Variants in TECPR1 observed in about 807,000 individuals in gnomAD.
TECPR1 encodes the protein tectonin beta-propeller repeat containing 1, also known as tectonin beta-propeller repeat-containing protein 1.
In TECPR1, 122 loss-of-function variants were observed where a neutral mutation model predicts 162.4. That is an observed-to-expected ratio of 0.75 (90% confidence interval 0.65 to 0.87). TECPR1 has a LOEUF of 0.87. Among genes scored for constraint, TECPR1 ranks in the 40% least tolerant of loss-of-function variants. TECPR1 has a pLI of 0.00. For synonymous variants in TECPR1, 642 were observed against 670.6 expected, an observed-to-expected ratio of 0.96 and a Z score of 0.66; for missense variants, 1,432 against 1,618.2, an observed-to-expected ratio of 0.88 and a Z score of 1.97.
chr7:98,242,840 C>T, intron 6 of TECPR1, among the ~76,000 whole-genome samples: 1 of 150,330 alleles, frequency 6.7e-6, no homozygotes. Context: ...TCCATCTGCA[C>T]ATACCTTCCA....
rs1295487069 is a variant in TECPR1 at position 98,226,826 on chromosome 7, G to A, written c.2513+1188C>T. ...TGCATGCCTGTAATCCCAACTACTCGGGAGGCTCAGGTAGGAGAATCGCTT... is the reference window on the plus strand; with the variant it reads ...TGCATGCCTGTAATCCCAACTACTCAGGAGGCTCAGGTAGGAGAATCGCTT... On this transcript the variant is annotated intron_variant, in intron 17 of 25. Transcript: ENST00000447648. The A allele has an allele frequency of 1.5e-5, 5 of 334,006 alleles. No homozygotes were observed. The Admixed American group carries it at 1.7e-4, about 11-fold the overall frequency. 20.7% of individuals were successfully genotyped at this position (334,006 alleles called of 1,614,324 possible).
intron 8 of TECPR1, among the ~76,000 whole-genome samples, chr7:98,238,944 A>G (rs1285193577): frequency 2.0e-5 from 3 of 152,248 alleles, no homozygotes; most frequent in African/African-American, 7.2e-5. Flanking sequence ...TGTGAAAGAC[A>G]ACGGCCTTAA....
intron 2 of TECPR1, among the ~76,000 whole-genome samples, chr7:98,246,645 G>A (rs1468789163): frequency 2.7e-5 from 4 of 150,392 alleles, no homozygotes; most frequent in Non-Finnish European, 4.4e-5. Context: ...GCAATGGCAC[G>A]ATCTTGGGAT....
Position 98,245,022 on chromosome 7 carries a change from C to T in TECPR1, c.271G>A (p.Asp91Asn). Residue 91 changes from aspartate to asparagine, a missense_variant, in exon 4 of 26, where the codon GAC becomes AAC. By Grantham distance (23) the Asp-to-Asn change is conservative (BLOSUM62 1). Coordinates refer to ENST00000447648, the MANE Select transcript of TECPR1 (RefSeq NM_015395.3). ...GGFCEKLLLS[D>N]RWGWSDVSGL... ...CTCACGTCACTCCACCCCCAGCGGT[C>T]ACTCAGCAGGAGCTTCTCACAGAAG... 1.2e-6 allele frequency: 2 copies of T among 1,606,028 alleles called. No homozygotes were observed. Among genetic ancestry groups the T allele is most frequent in the Non-Finnish European group, 8.5e-7 (1 of 1,176,938 alleles).
intron 16 of TECPR1, 63 bp from the exon 17 acceptor site, chr7:98,228,179 C>T: frequency 7.8e-7 from 1 of 1,288,140 alleles, no homozygotes; most frequent in Admixed American, 2.0e-5. Flanking sequence ...CTCTGGCTTT[C>T]CGTCTGAAGC....
At position 98,244,589 on chromosome 7, in the gene TECPR1, G is replaced by C; in HGVS notation, c.513C>G (p.Ser171=). 1 of 1,610,604 alleles carries C rather than the reference G, an allele frequency of 6.2e-7. No individual in the cohort carries two copies. Residue 171 remains serine, a synonymous_variant, in exon 5 of 26, where the codon TCC becomes TCG. Coordinates refer to ENST00000447648, the MANE Select transcript of TECPR1 (RefSeq NM_015395.3). ...RKWIRYRRYK[S]RDIWAKIPSK... is the part of the protein sequence containing the mutation. ...CAGAGACCTTGGCCCAGATGTCCCG[G>C]GACTTGTATCTCCTGTACCGGATCC...
At position 98,231,829 on chromosome 7, in the gene TECPR1, TA is replaced by T; in HGVS notation, c.1948del (p.Tyr650ThrfsTer15). 1 of 1,612,652 alleles carries T rather than the reference TA, an allele frequency of 6.2e-7. No individual in the cohort carries two copies. The highest frequency in any genetic ancestry group is 8.5e-7 in the Non-Finnish European group (1 of 1,179,670). On this transcript the variant is annotated frameshift_variant, in exon 13 of 26. Coordinates refer to ENST00000447648, the MANE Select transcript of TECPR1 (RefSeq NM_015395.3). LOFTEE classifies it high-confidence loss of function. The stretch of plus-strand genomic sequence containing the variant: ...CTTCTTCTCCTCGTGGACCACATAG[TA>T]GATGAAGAGGATGCTGTCCCGGACG... Reference protein sequence around the residue: ...DGVRDSILFIYYVVHEEKKYI... With the variant: ...DGVRDSILFIXYVVHEEKKYI...
chr7:98,240,967 GA>G lies in TECPR1; in HGVS notation c.833-17del. ...CAGGAACTTCCTACCGGGCCCCCAA[GA>G]AACCCCCAGTGGCCCCCATCAGCCT... is the stretch of plus-strand genomic sequence containing the variant. On this transcript the variant is annotated splice_polypyrimidine_tract_variant and intron_variant, in intron 7 of 25. Transcript: ENST00000447648. The G allele has an allele frequency of 6.3e-7, 1 of 1,596,896 alleles. No homozygotes were observed.
At chr7:98,235,393 C>G (rs184454162) in intron 10 of TECPR1, among the ~76,000 whole-genome samples, 2 of 151,092 alleles carry the variant, frequency 1.3e-5, no homozygotes, top group Non-Finnish European at 3.0e-5. Flanking sequence ...GGTGTGGTGG[C>G]GGGTGCCTGT....
intron 10 of TECPR1, among the ~76,000 whole-genome samples, chr7:98,235,849 A>AAAAAAAAAAAAAAAAAAAAAAAAAAC: frequency 9.1e-6 from 1 of 110,244 alleles, no homozygotes; most frequent in Non-Finnish European, 2.1e-5. Flanking sequence ...AAAAAAAAAA[A>AAAAAAAAAAAAAAAAAAAAAAAAAAC]AACACCATCT....
chr7:98,231,625 CT>C (rs1443753625), intron 13 of TECPR1, 178 bp downstream of exon 13: 3 of 785,946 alleles, frequency 3.8e-6, no homozygotes, highest in South Asian at 3.8e-5. Context: ...TCTGTACCCC[CT>C]TCCCCGGGCA....
At chr7:98,235,864 A>T (rs1461115077) in intron 10 of TECPR1, among the ~76,000 whole-genome samples, 4 of 150,888 alleles carry the variant, frequency 2.7e-5, no homozygotes, top group African/African-American at 9.8e-5. Flanking sequence ...CCATCTGAGC[A>T]GACTAAACCC....
intron 8 of TECPR1, among the ~76,000 whole-genome samples, chr7:98,240,104 G>A (rs971402094): frequency 1.3e-5 from 2 of 151,822 alleles, no homozygotes; most frequent in African/African-American, 2.4e-5. Flanking sequence ...GCGACACTCC[G>A]TCTCAAAAAA....
At chr7:98,237,550 C>A (rs1033884620) in intron 9 of TECPR1, among the ~76,000 whole-genome samples, 1 of 151,834 alleles carries the variant, frequency 6.6e-6, no homozygotes, top group African/African-American at 2.4e-5. Context: ...CTCACTGCAA[C>A]CTCCGCCTCC....
Position 98,231,265 on chromosome 7 carries a change from C to T in TECPR1, c.2083G>A (p.Val695Met), listed in dbSNP as rs1257724938. 2 of 1,612,970 alleles carry T rather than the reference C, an allele frequency of 1.2e-6. No individual in the cohort carries two copies. The highest frequency in any genetic ancestry group is 1.7e-5 in the Admixed American group (1 of 59,938). ...TGCTCGGTGGCAGCAGCCAGACGCA[C>T]CGGCCACCTCTGCCGTGTCCGCTCA... ...TPERTRQRWPVRLAAATEQDM... is the reference protein window; with the variant it reads ...TPERTRQRWPMRLAAATEQDM... Residue 695 changes from valine to methionine, a missense_variant, in exon 14 of 26, where the codon GTG (valine) becomes ATG (methionine). Val to Met is a conservative substitution (Grantham distance 21, BLOSUM62 1). Transcript: ENST00000447648.
chr7:98,230,285 C>T (rs1249495986), intron 15 of TECPR1, among the ~76,000 whole-genome samples: 1 of 151,996 alleles, frequency 6.6e-6, no homozygotes. Context: ...AGATTGCAGG[C>T]GTGAGCCAAC....
rs1471654491 is a variant in TECPR1 at position 98,217,741 on chromosome 7, C to T, written c.3335G>A (p.Gly1112Asp). Residue 1112 changes from glycine to aspartate, a missense_variant, in exon 25 of 26, where the codon GGC becomes GAC. Transcript: ENST00000447648. ...LSRGTVCHRT[G>D]VQPHEPKGHG... Reference sequence around the variant, plus strand: ...GCCCTTGGGCTCGTGAGGCTGCACGCCGGTGCGATGACACACTGTCCCCCG... The same window carrying T: ...GCCCTTGGGCTCGTGAGGCTGCACGTCGGTGCGATGACACACTGTCCCCCG... 1.9e-6 allele frequency: 3 copies of T among 1,550,450 alleles called. No individual in the cohort carries two copies. Among genetic ancestry groups the T allele is most frequent in the Non-Finnish European group, 2.6e-6 (3 of 1,146,912 alleles).
chr7:98,236,198 G>T (rs1798597337), intron 10 of TECPR1, among the ~76,000 whole-genome samples: 1 of 152,204 alleles, frequency 6.6e-6, no homozygotes, highest in Non-Finnish European at 1.5e-5. Context: ...GGACCACCAG[G>T]TGCAGCCCCA....
In TECPR1 at chr7:98,217,769, T is replaced by C. The variant is rs1418774717; in HGVS notation, c.3307A>G (p.Ser1103Gly). 1 of 1,550,838 alleles carries C rather than the reference T, an allele frequency of 6.4e-7. No homozygotes were observed. The highest frequency in any genetic ancestry group is 2.0e-5 in the Admixed American group (1 of 51,014). Residue 1103 changes from serine to glycine, a missense_variant, in exon 25 of 26, where the codon AGC becomes GGC. Coordinates refer to ENST00000447648, the MANE Select transcript of TECPR1 (RefSeq NM_015395.3). ...GTGCGATGACACACTGTCCCCCGGC[T>C]CAGGCTGTGGCTGCCCTGCACTTTG... ...ANKVQGSHSL[S>G]RGTVCHRTGV...
Sources: gnomAD v4.1 joint callset for allele counts (sites outside exome capture counted in the v4.1 genomes callset) on GRCh38, gnomAD v4.1.1 for gene constraint, MANE v1.5 for transcripts, NCBI Gene and HGNC (gene_info 2026-07-23, HGNC 2026-07-21) for gene names.